The following PLXNA4 variants were observed in gnomAD, a reference collection of about 807,000 sequenced individuals.
PLXNA4 encodes the protein plexin A4.
PLXNA4 carries 44 observed loss-of-function variants against 191.8 expected under a neutral mutation model. The observed-to-expected ratio is 0.23, with a 90% confidence interval of 0.18 to 0.29. The LOEUF (loss-of-function observed/expected upper bound fraction) is 0.29, where lower values mean the gene tolerates loss of function less well. PLXNA4 is among the 10% of genes least tolerant of loss of function. The probability of loss-of-function intolerance (pLI) is 1.00; values close to 1 mark genes in which losing one functional copy is unlikely to be tolerated. For missense variants in PLXNA4, 1,800 were observed against 2,488.8 expected, an observed-to-expected ratio of 0.72 and a Z score of 5.89; for synonymous variants, 1,082 against 1,009.5, an observed-to-expected ratio of 1.07 and a Z score of -1.36.
intron 2 of PLXNA4, among the ~76,000 whole-genome samples, chr7:132,502,873 A>G (rs1004490046): frequency 3.9e-5 from 6 of 152,148 alleles, no homozygotes; most frequent in African/African-American, 1.4e-4. Flanking sequence ...GACAGCCGGG[A>G]GGTCTCTGCC....
chr7:132,490,165 A>G (rs997310357), intron 2 of PLXNA4, among the ~76,000 whole-genome samples: 1 of 152,126 alleles, frequency 6.6e-6, no homozygotes, highest in African/African-American at 2.4e-5. Context: ...CTTTTAGAGC[A>G]TTGTGAAGAA....
At chr7:132,430,759 A>T (rs1161587286) in intron 3 of PLXNA4, among the ~76,000 whole-genome samples, 1 of 152,204 alleles carries the variant, frequency 6.6e-6, no homozygotes, top group Non-Finnish European at 1.5e-5. Context: ...TGTAGGTGGT[A>T]GGAGGCATTG....
chr7:132,336,629 G>A (rs1379238431), intron 3 of PLXNA4, among the ~76,000 whole-genome samples: 1 of 152,116 alleles, frequency 6.6e-6, no homozygotes, highest in East Asian at 1.9e-4. Context: ...CTCAGAGGGT[G>A]GCCACCACCA....
intron 13 of PLXNA4, 29 bp downstream of exon 13, chr7:132,198,456 C>T (rs760695356): frequency 6.2e-7 from 1 of 1,608,396 alleles, no homozygotes; most frequent in Admixed American, 1.7e-5. Context: ...CTCCCCTGTT[C>T]CTCCTGTGTT....
intron 4 of PLXNA4, 52 bp downstream of exon 4, chr7:132,298,039 G>A: frequency 1.2e-6 from 2 of 1,610,912 alleles, no homozygotes; most frequent in African/African-American, 1.3e-5. Context: ...CTGAGCCACA[G>A]GCTAGTATTT....
intron 3 of PLXNA4, among the ~76,000 whole-genome samples, chr7:132,331,959 T>C (rs1306678972): frequency 1.3e-5 from 2 of 152,318 alleles, no homozygotes; most frequent in Middle Eastern, 3.4e-3. Flanking sequence ...AGATAAGGCA[T>C]CTGGACAACC....
chr7:132,146,092 A>C (rs1193772755), intron 28 of PLXNA4, among the ~76,000 whole-genome samples: 1 of 150,544 alleles, frequency 6.6e-6, no homozygotes, highest in Non-Finnish European at 1.5e-5. Context: ...AAAAAAAAAA[A>C]AAAAAAAAAA....
chr7:132,515,031 C>T (rs1028514734), intron 1 of PLXNA4, among the ~76,000 whole-genome samples: 4 of 152,102 alleles, frequency 2.6e-5, no homozygotes, highest in African/African-American at 7.2e-5. Context: ...CAGCACAGAA[C>T]GGGGGTCGGG....
At chr7:132,447,109 C>T (rs186906250) in intron 3 of PLXNA4, among the ~76,000 whole-genome samples, 36 of 151,932 alleles carry the variant, frequency 2.4e-4, no homozygotes, top group African/African-American at 7.7e-4. Context: ...TTTCTGGCCC[C>T]GCTCCACTGC....
chr7:132,602,031 T>TCCC (rs1802831238), intron 2 of PLXNA4, among the ~76,000 whole-genome samples: 2 of 152,260 alleles, frequency 1.3e-5, no homozygotes, highest in African/African-American at 4.8e-5. Context: ...CAAAGGTTTT[T>TCCC]ACCATAGAAG....
intron 3 of PLXNA4, among the ~76,000 whole-genome samples, chr7:132,376,297 G>T (rs1804656209): frequency 6.6e-6 from 1 of 152,122 alleles, no homozygotes; most frequent in African/African-American, 2.4e-5. Context: ...GCAAGGCAAA[G>T]GACCCCCAGC....
intron 30 of PLXNA4, among the ~76,000 whole-genome samples, chr7:132,138,494 C>T (rs1222869381): frequency 3.3e-5 from 5 of 152,142 alleles, no homozygotes; most frequent in Non-Finnish European, 5.9e-5. Flanking sequence ...TGGGAGTGGA[C>T]GTGGACTTGT....
intron 2 of PLXNA4, among the ~76,000 whole-genome samples, chr7:132,585,541 T>A (rs966716688): frequency 5.9e-5 from 9 of 152,300 alleles, no homozygotes; most frequent in Middle Eastern, 3.4e-3. Context: ...GAAAAGGATG[T>A]GATTGATCAC....
intron 2 of PLXNA4, among the ~76,000 whole-genome samples, chr7:132,615,927 A>ATCTCTCCCTCTCTCTCTCTCTCTCTCTC (rs1803145143): frequency 1.2e-5 from 1 of 83,674 alleles, no homozygotes; most frequent in Non-Finnish European, 2.6e-5. Context: ...CAGATAAAGG[A>ATCTCTCCCTCTCTCTCTCTCTCTCTCTC]TCTCTCTCTC....
chr7:132,516,107 T>A (rs944136638), intron 1 of PLXNA4, among the ~76,000 whole-genome samples: 2 of 152,210 alleles, frequency 1.3e-5, no homozygotes, highest in African/African-American at 2.4e-5. Context: ...TAAATCTTGG[T>A]GCTTCAAGTA....
intron 2 of PLXNA4, among the ~76,000 whole-genome samples, chr7:132,617,978 T>C (rs1414401451): frequency 6.6e-6 from 1 of 152,196 alleles, no homozygotes; most frequent in African/African-American, 2.4e-5. Flanking sequence ...GCTGCTCCAG[T>C]TACCACCTCC....
upstream of PLXNA4, among the ~76,000 whole-genome samples, chr7:132,581,253 T>C (rs1802397523): frequency 6.6e-6 from 1 of 152,192 alleles, no homozygotes; most frequent in Non-Finnish European, 1.5e-5. Context: ...TCAAGGAAGA[T>C]GAGGGGAGGA....
At chr7:132,491,597 A>AG (rs1178915780) in intron 2 of PLXNA4, among the ~76,000 whole-genome samples, 1 of 151,848 alleles carries the variant, frequency 6.6e-6, no homozygotes, top group Non-Finnish European at 1.5e-5. Flanking sequence ...CTGGTCCACC[A>AG]GCCCAGGCCA....
chr7:132,448,605 C>T (rs1054985688), intron 3 of PLXNA4, among the ~76,000 whole-genome samples: 1 of 152,190 alleles, frequency 6.6e-6, no homozygotes, highest in Non-Finnish European at 1.5e-5. Context: ...TAAACAATCA[C>T]CTTTCCTTCC....
Sources: allele counts gnomAD v4.1 joint callset (sites outside exome capture counted in the v4.1 genomes callset), GRCh38; gene constraint gnomAD v4.1.1; transcripts MANE v1.5; gene names NCBI Gene and HGNC (gene_info 2026-07-23, HGNC 2026-07-21).